Variants in AGPAT4 observed in about 807,000 individuals in gnomAD.
AGPAT4 encodes the protein 1-acylglycerol-3-phosphate O-acyltransferase 4.
Under a neutral mutation model 48.0 loss-of-function variants are expected in AGPAT4, and 15 were observed. The ratio of observed to expected loss-of-function variants is 0.31; its 90% CI spans 0.21 to 0.48. The LOEUF (loss-of-function observed/expected upper bound fraction) is 0.48, where lower values mean the gene tolerates loss of function less well. AGPAT4 is among the 20% of genes least tolerant of loss of function. The pLI, the probability that AGPAT4 is intolerant of heterozygous loss-of-function variation, is 0.99. For missense variants in AGPAT4, 314 were observed against 482.5 expected (o/e 0.65, Z 3.27); for synonymous variants, 178 against 198.7 (o/e 0.90, Z 0.88).
intron 2 of AGPAT4, among the ~76,000 whole-genome samples, chr6:161,175,723 G>C (rs1458017642): frequency 1.3e-5 from 2 of 152,088 alleles, no homozygotes; most frequent in African/African-American, 2.4e-5. Flanking sequence ...TTTTAATTGT[G>C]ATGTTAGGGT....
intron 1 of AGPAT4, among the ~76,000 whole-genome samples, chr6:161,273,201 C>A (rs773047785): frequency 2.0e-5 from 3 of 152,188 alleles, no homozygotes; most frequent in Non-Finnish European, 4.4e-5. Flanking sequence ...TGAAGACTTA[C>A]ATAAACATCA....
In AGPAT4 at chr6:161,164,398, G is replaced by C. The variant is rs115639609; in HGVS notation, c.348+1850C>G. ...TCCATCCCCAACCCCATGAAGGTGCGGGTGACTTGCACCCCTCGAATGAGG... is the reference window on the plus strand; with the variant it reads ...TCCATCCCCAACCCCATGAAGGTGCCGGTGACTTGCACCCCTCGAATGAGG... On this transcript the variant is annotated intron_variant, in intron 3 of 8. Coordinates refer to ENST00000320285, the MANE Select transcript of AGPAT4 (RefSeq NM_020133.3). This position sits in a 1 kb window ranked among gnomAD's most constrained non-coding sequence, Gnocchi z 7.4. 2.6e-5 allele frequency among the ~76,000 whole-genome samples: 4 copies of C among 152,130 alleles called. No individual in the cohort carries two copies. Among genetic ancestry groups the C allele is most frequent in the Non-Finnish European group, 5.9e-5 (4 of 68,022 alleles).
rs911878291 is a variant in AGPAT4 at position 161,134,336 on chromosome 6, C to T, written c.*2204G>A. 9 of 152,068 alleles carry T rather than the reference C, an allele frequency of 5.9e-5. No homozygotes were observed. The highest frequency in any genetic ancestry group is 2.0e-4 in the Admixed American group (3 of 15,268). The allele number at this position is 152,068 out of a possible 1,614,324, so 9.4% of individuals were successfully genotyped here. On this transcript the variant is annotated 3_prime_UTR_variant, in exon 9 of 9. Transcript: ENST00000320285. ...GAAGAAAATTGAATGTCTGTGGGCC[C>T]CCGGATCTATGTTTTTAGAACTTAC...
rs1349177817 is a variant in AGPAT4, at chr6:161,146,381, A to T, written c.843+143T>A. The T allele has an allele frequency of 4.4e-6, 3 of 678,486 alleles. No homozygotes were observed. Among genetic ancestry groups the T allele is most frequent in the Non-Finnish European group, 7.5e-6 (3 of 400,648 alleles). The allele number at this position is 678,486 out of a possible 1,614,324, so 42.0% of individuals were successfully genotyped here. A position where few individuals can be genotyped will look rare whatever the true frequency, so the allele number is the denominator to read the frequency against. ...ATATTTTGTCATGTTCTTCATTGCCAAGAGAGGGTCAGCTCCAGACTCACT... is the reference window on the plus strand; with the variant it reads ...ATATTTTGTCATGTTCTTCATTGCCTAGAGAGGGTCAGCTCCAGACTCACT... On this transcript the variant is annotated intron_variant, in intron 7 of 8. Coordinates refer to ENST00000320285, the MANE Select transcript of AGPAT4 (RefSeq NM_020133.3). This position sits in a 1 kb window ranked among gnomAD's most constrained non-coding sequence, Gnocchi z 7.1.
In AGPAT4 at chr6:161,259,214, A is replaced by G. The variant is rs1783033048; in HGVS notation, c.-90+14724T>C. On this transcript the variant is annotated intron_variant, in intron 1 of 8. Coordinates refer to ENST00000320285, the MANE Select transcript of AGPAT4 (RefSeq NM_020133.3). The surrounding 1 kb of genome is among the most constrained non-coding windows in gnomAD (Gnocchi z 4.9). The stretch of plus-strand genomic sequence containing the variant: ...AATGAAGCTCGCTAACGTATCGATC[A>G]CTTCCCATACTTATTTTTCTTATGA... Among the ~76,000 whole-genome samples the G allele has an allele frequency of 6.6e-6, 1 of 152,184 alleles. No individual in the cohort carries two copies. The highest frequency in any genetic ancestry group is 2.1e-4 in the South Asian group (1 of 4,830).
chr6:161,235,090 G>A lies in AGPAT4; in HGVS notation c.-89-2788C>T, dbSNP rs1366914375. ...GTCCTCAAGGCCCATTTCCTAGCCT[G>A]GTGTGGGGTGGTTGCATGTGGGCTT... On this transcript the variant is annotated intron_variant, in intron 1 of 8. Coordinates refer to ENST00000320285, the MANE Select transcript of AGPAT4 (RefSeq NM_020133.3). This position sits in a 1 kb window ranked among gnomAD's most constrained non-coding sequence, Gnocchi z 6.2. Among the ~76,000 whole-genome samples, 1 of 151,996 alleles carries A rather than the reference G, an allele frequency of 6.6e-6. No individual in the cohort carries two copies. The highest frequency in any genetic ancestry group is 1.5e-5 in the Non-Finnish European group (1 of 68,016).
rs1156931709 is a variant in AGPAT4, at chr6:161,154,543, T to G, written c.349-233A>C. Among the ~76,000 whole-genome samples, 1 of 152,100 alleles carries G rather than the reference T, an allele frequency of 6.6e-6. No homozygotes were observed. The highest frequency in any genetic ancestry group is 2.4e-5 in the African/African-American group (1 of 41,428). The stretch of plus-strand genomic sequence containing the variant: ...GTGGGAGCAGGGGGCAGGGGCACCC[T>G]GGTTCTCAGCGCAGACGGCAGGAGT... On this transcript the variant is annotated intron_variant, in intron 3 of 8. Transcript: ENST00000320285. This position sits in a 1 kb window ranked among gnomAD's most constrained non-coding sequence, Gnocchi z 7.8.
At chr6:161,269,690 C>T (rs777403413) in intron 1 of AGPAT4, among the ~76,000 whole-genome samples, 2 of 152,168 alleles carry the variant, frequency 1.3e-5, no homozygotes, top group Non-Finnish European at 2.9e-5. Context: ...GCTGTCTCCA[C>T]ATTGTCTTCC....
intron 2 of AGPAT4, among the ~76,000 whole-genome samples, chr6:161,199,091 A>G (rs1263058234): frequency 6.7e-6 from 1 of 150,038 alleles, no homozygotes; most frequent in Non-Finnish European, 1.5e-5. Context: ...TAGTTTGGTA[A>G]TTATAGAGGA....
rs1779816974 is a variant in AGPAT4, at chr6:161,158,262, A to G, written c.349-3952T>C. 6.6e-6 allele frequency among the ~76,000 whole-genome samples: 1 copy of G among 152,240 alleles called. No individual in the cohort carries two copies. The highest frequency in any genetic ancestry group is 2.1e-4 in the South Asian group (1 of 4,834). Reference sequence around the variant, plus strand: ...CCCCCGGCAAAAGGTTCAATAGGCTATAACTATCATGGCTTTCCCAGGCCA... The same window carrying G: ...CCCCCGGCAAAAGGTTCAATAGGCTGTAACTATCATGGCTTTCCCAGGCCA... On this transcript the variant is annotated intron_variant, in intron 3 of 8. Coordinates refer to ENST00000320285, the MANE Select transcript of AGPAT4 (RefSeq NM_020133.3). This position sits in a 1 kb window ranked among gnomAD's most constrained non-coding sequence, Gnocchi z 5.3.
chr6:161,170,022 T>A (rs749155751), intron 2 of AGPAT4, among the ~76,000 whole-genome samples: 5 of 152,168 alleles, frequency 3.3e-5, no homozygotes, highest in African/African-American at 1.2e-4. Flanking sequence ...GGTGGTTGTA[T>A]TTTGCTCTGT....
At position 161,196,816 on chromosome 6, in the gene AGPAT4, C is replaced by CAA. The variant is rs56741331; in HGVS notation, c.179-30401_179-30400dup. ...AGAGAAAGACTCTATCTCCCCCCGC[C>CAA]AAAAAAAAAAAAAAAATGCCAAGGA... On this transcript the variant is annotated intron_variant, in intron 2 of 8. Transcript: ENST00000320285. The surrounding 1 kb of genome is among the most constrained non-coding windows in gnomAD (Gnocchi z 4.3). Among the ~76,000 whole-genome samples the CAA allele has an allele frequency of 0.095, 9,951 of 104,976 alleles. 403 individuals carry two copies. Among genetic ancestry groups the CAA allele is most frequent in the African/African-American group, 0.1 (3,046 of 29,204 alleles). 68.9% of individuals were successfully genotyped at this position (104,976 alleles called of 152,430 possible). A position where few individuals can be genotyped will look rare whatever the true frequency, so the allele number is the denominator to read the frequency against.
rs376780766 is a variant in AGPAT4 at position 161,142,259 on chromosome 6, C to T, written c.844-2639G>A. On this transcript the variant is annotated intron_variant, in intron 7 of 8. Coordinates refer to ENST00000320285, the MANE Select transcript of AGPAT4 (RefSeq NM_020133.3). This position sits in a 1 kb window ranked among gnomAD's most constrained non-coding sequence, Gnocchi z 6.4. The stretch of plus-strand genomic sequence containing the variant: ...TGCCACAGGACCTCCCACTGACTAT[C>T]GGGGAGAGAACAGCACCGCCAGCTC... Among the ~76,000 whole-genome samples the T allele has an allele frequency of 9.0e-4, 137 of 152,352 alleles. No homozygotes were observed. The highest frequency in any genetic ancestry group is 3.2e-3 in the African/African-American group (134 of 41,582).
At position 161,208,441 on chromosome 6, in the gene AGPAT4, C is replaced by T. The variant is rs991424180; in HGVS notation, c.178+23595G>A. ...GTACACACTTATGTATACAAATGCA[C>T]GCACACACACCCACCCCCAACATCT... is the stretch of plus-strand genomic sequence containing the variant. On this transcript the variant is annotated intron_variant, in intron 2 of 8. Transcript: ENST00000320285. This position sits in a 1 kb window ranked among gnomAD's most constrained non-coding sequence, Gnocchi z 4.6. Among the ~76,000 whole-genome samples, 3 of 151,772 alleles carry T rather than the reference C, an allele frequency of 2.0e-5. No individual in the cohort carries two copies. Among genetic ancestry groups the T allele is most frequent in the East Asian group, 1.9e-4 (1 of 5,148 alleles).
rs1780454528 is a variant in AGPAT4 at position 161,177,288 on chromosome 6, G to A, written c.179-10871C>T. ...TCACTTTCAGGTACATCAATCAGACGTAGATTTGGTCTTTTCACATAGTCC... is the reference window on the plus strand; with the variant it reads ...TCACTTTCAGGTACATCAATCAGACATAGATTTGGTCTTTTCACATAGTCC... On this transcript the variant is annotated intron_variant, in intron 2 of 8. Coordinates refer to ENST00000320285, the MANE Select transcript of AGPAT4 (RefSeq NM_020133.3). This position sits in a 1 kb window ranked among gnomAD's most constrained non-coding sequence, Gnocchi z 5.0. Among the ~76,000 whole-genome samples, 4 of 152,150 alleles carry A rather than the reference G, an allele frequency of 2.6e-5. No homozygotes were observed. Among genetic ancestry groups the A allele is most frequent in the African/African-American group, 7.2e-5 (3 of 41,430 alleles).
Position 161,218,358 on chromosome 6 carries a change from A to T in AGPAT4, c.178+13678T>A, listed in dbSNP as rs1781713485. ...AATCAATGAAGAAGAAGTTGGGAAGAGATTACCAAATTACCAGAGCTCCCT... is the reference window on the plus strand; with the variant it reads ...AATCAATGAAGAAGAAGTTGGGAAGTGATTACCAAATTACCAGAGCTCCCT... On this transcript the variant is annotated intron_variant, in intron 2 of 8. Transcript: ENST00000320285. This position sits in a 1 kb window ranked among gnomAD's most constrained non-coding sequence, Gnocchi z 4.7. 6.6e-6 allele frequency among the ~76,000 whole-genome samples: 1 copy of T among 152,212 alleles called. No individual in the cohort carries two copies. The highest frequency in any genetic ancestry group is 6.5e-5 in the Admixed American group (1 of 15,284).
chr6:161,145,144 C>T (rs1203826246), intron 7 of AGPAT4, among the ~76,000 whole-genome samples: 1 of 151,616 alleles, frequency 6.6e-6, no homozygotes, highest in East Asian at 1.9e-4. Context: ...TGCAGAACCT[C>T]GATAACTTAG....
chr6:161,211,409 T>A (rs1270664747), intron 2 of AGPAT4, among the ~76,000 whole-genome samples: 1 of 152,008 alleles, frequency 6.6e-6, no homozygotes, highest in Non-Finnish European at 1.5e-5. Context: ...GTAAAAGGAA[T>A]GAGGAAATAA....
At position 161,214,944 on chromosome 6, in the gene AGPAT4, C is replaced by T. The variant is rs1423564543; in HGVS notation, c.178+17092G>A. Among the ~76,000 whole-genome samples, 1 of 152,130 alleles carries T rather than the reference C, an allele frequency of 6.6e-6. No individual in the cohort carries two copies. The highest frequency in any genetic ancestry group is 1.9e-4 in the East Asian group (1 of 5,188). ...TTGACCTCCAAACCTGTTCTGCTGG[C>T]CTGCCTTAGATAAGACTGAGACAAA... On this transcript the variant is annotated intron_variant, in intron 2 of 8. Coordinates refer to ENST00000320285, the MANE Select transcript of AGPAT4 (RefSeq NM_020133.3). This position sits in a 1 kb window ranked among gnomAD's most constrained non-coding sequence, Gnocchi z 5.4.
Sources: gnomAD v4.1 joint callset for allele counts (sites outside exome capture counted in the v4.1 genomes callset) on GRCh38, gnomAD v4.1.1 for gene constraint, Gnocchi (gnomAD v3.1) non-coding constraint, MANE v1.5 for transcripts, NCBI Gene and HGNC (gene_info 2026-07-23, HGNC 2026-07-21) for gene names.